Variants in CABCOCO1 observed in about 807,000 individuals in gnomAD.
CABCOCO1 encodes the protein ciliary associated calcium binding coiled-coil 1, also known as ciliary-associated calcium-binding coiled-coil protein 1.
Under a neutral mutation model 35.7 loss-of-function variants are expected in CABCOCO1, and 28 were observed. That is an observed-to-expected ratio of 0.78 (90% CI 0.58 to 1.07). The LOEUF is 1.07. Among genes scored for constraint, CABCOCO1 ranks in the 50% least tolerant of loss-of-function variants. The pLI is 0.00. For synonymous variants in CABCOCO1, 95 were observed against 100.1 expected (o/e 0.95, Z 0.30); for missense variants, 326 against 309.2 (o/e 1.05, Z -0.41).
chr10:61,746,520 AC>A (rs367611043), intron 5 of CABCOCO1, among the ~76,000 whole-genome samples: 41 of 152,280 alleles, frequency 2.7e-4, no homozygotes, highest in Admixed American at 1.5e-3. Flanking sequence ...TACAGTGTCA[AC>A]CCAGTGAATT....
intron 5 of CABCOCO1, among the ~76,000 whole-genome samples, chr10:61,738,458 T>C (rs1841474731): frequency 6.6e-6 from 1 of 152,222 alleles, no homozygotes; most frequent in Non-Finnish European, 1.5e-5. Flanking sequence ...TAATACCATC[T>C]AAATATACCA....
chr10:61,716,597 T>C (rs1402079117), intron 5 of CABCOCO1, among the ~76,000 whole-genome samples: 1 of 152,138 alleles, frequency 6.6e-6, no homozygotes, highest in East Asian at 1.9e-4. Context: ...TCTTCCATTT[T>C]CCCCTGTGAA....
At chr10:61,690,936 C>CA in intron 5 of CABCOCO1, among the ~76,000 whole-genome samples, 1 of 151,818 alleles carries the variant, frequency 6.6e-6, no homozygotes, top group South Asian at 2.1e-4. Flanking sequence ...TAGTAATTTG[C>CA]AAAAAAGAAT....
At chr10:61,717,068 T>C (rs17196286) in intron 5 of CABCOCO1, among the ~76,000 whole-genome samples, 61,000 of 151,990 alleles carry the variant, frequency 0.4, 14,315 homozygotes, top group Middle Eastern at 0.54. Flanking sequence ...GGCACAATTC[T>C]AAAAACTTCA....
At chr10:61,693,092 G>C (rs917006432) in intron 5 of CABCOCO1, among the ~76,000 whole-genome samples, 1 of 152,078 alleles carries the variant, frequency 6.6e-6, no homozygotes, top group African/African-American at 2.4e-5. Context: ...ATAAAGTGGA[G>C]AAAGTAGACA....
rs184833850 is a variant in CABCOCO1, at chr10:61,760,554, A to G, written c.676-309A>G. On this transcript the variant is annotated intron_variant, in intron 6 of 7. Transcript: ENST00000648843. ...CCAATAGAAATTTGAGGTTCCAATG[A>G]GAACACATGGACACAGGGAGGAGAA... Among the ~76,000 whole-genome samples the G allele has an allele frequency of 4.6e-5, 7 of 152,158 alleles. No homozygotes were observed. In the East Asian group the frequency reaches 7.7e-4, roughly 17 times the overall value.
At chr10:61,681,626 A>T (rs1453588673) in intron 3 of CABCOCO1, among the ~76,000 whole-genome samples, 5 of 152,154 alleles carry the variant, frequency 3.3e-5, no homozygotes, top group African/African-American at 1.2e-4. Context: ...TGTAAATTTA[A>T]AACTACACTA....
intron 5 of CABCOCO1, among the ~76,000 whole-genome samples, chr10:61,747,912 G>A (rs1335282555): frequency 5.3e-5 from 8 of 152,030 alleles, no homozygotes; most frequent in Non-Finnish European, 1.2e-4. Flanking sequence ...AAACCAGAAC[G>A]ACCCTTCAAA....
intron 5 of CABCOCO1, among the ~76,000 whole-genome samples, chr10:61,725,158 G>A (rs1665194296): frequency 6.6e-6 from 1 of 152,152 alleles, no homozygotes; most frequent in African/African-American, 2.4e-5. Context: ...TACACTGTTG[G>A]TGGGACTGTA....
intron 1 of CABCOCO1, among the ~76,000 whole-genome samples, chr10:61,670,502 C>T (rs1839322563): frequency 6.6e-6 from 1 of 152,038 alleles, no homozygotes; most frequent in Admixed American, 6.6e-5. Flanking sequence ...AGCACAATAA[C>T]CTAATATTAA....
At chr10:61,701,679 G>T in intron 5 of CABCOCO1, 1 of 985,166 alleles carries the variant, frequency 1.0e-6, no homozygotes, top group Middle Eastern at 5.2e-4. Context: ...GTTCTTTTCA[G>T]TCTTTTCTAG....
rs376388351 is a variant in CABCOCO1 at position 61,674,522 on chromosome 10, C to T, written c.164+1787C>T. Reference sequence around the variant, plus strand: ...ATGGTAATCCTGAAATATTTGCAATCGGTCACTCACTTTCAATTTAAAATA... The same window carrying T: ...ATGGTAATCCTGAAATATTTGCAATTGGTCACTCACTTTCAATTTAAAATA... On this transcript the variant is annotated intron_variant, in intron 2 of 7. Coordinates refer to ENST00000648843, the MANE Select transcript of CABCOCO1 (RefSeq NM_001366906.2). Among the ~76,000 whole-genome samples the T allele has an allele frequency of 1.2e-4, 18 of 152,202 alleles. No homozygotes were observed. In the East Asian group the frequency reaches 2.1e-3, roughly 18 times the overall value.
chr10:61,689,941 G>C (rs1840084220), intron 4 of CABCOCO1, among the ~76,000 whole-genome samples: 1 of 152,056 alleles, frequency 6.6e-6, no homozygotes, highest in South Asian at 2.1e-4. Context: ...CTAGTCTTTA[G>C]GGTAAGAACT....
intron 5 of CABCOCO1, among the ~76,000 whole-genome samples, chr10:61,726,827 G>A (rs1045094286): frequency 2.6e-5 from 4 of 151,422 alleles, no homozygotes; most frequent in Non-Finnish European, 2.9e-5. Flanking sequence ...GGAGGCGAGC[G>A]GGGGTGGATC....
chr10:61,714,144 C>T (rs1022685624), intron 5 of CABCOCO1, among the ~76,000 whole-genome samples: 30 of 152,184 alleles, frequency 2.0e-4, no homozygotes, highest in South Asian at 2.1e-4. Context: ...TTGTCCTGGA[C>T]TTTTTTTGGT....
chr10:61,708,857 T>C (rs1227931588), intron 5 of CABCOCO1, among the ~76,000 whole-genome samples: 1 of 152,162 alleles, frequency 6.6e-6, no homozygotes, highest in East Asian at 1.9e-4. Flanking sequence ...AAATTTTATT[T>C]TCCTTTCTTT....
chr10:61,707,496 C>T (rs530603001), intron 5 of CABCOCO1, among the ~76,000 whole-genome samples: 1 of 152,274 alleles, frequency 6.6e-6, no homozygotes, highest in Admixed American at 6.5e-5. Flanking sequence ...GGATACACTC[C>T]TCTTATCTGG....
intron 1 of CABCOCO1, among the ~76,000 whole-genome samples, chr10:61,670,828 G>T (rs915704397): frequency 1.3e-5 from 2 of 152,110 alleles, no homozygotes; most frequent in Non-Finnish European, 2.9e-5. Flanking sequence ...CTGGCTTTGA[G>T]CAGTCTCACC....
In CABCOCO1 at chr10:61,760,982, T is replaced by G. The variant is rs1241098259; in HGVS notation, c.795T>G (p.Asp265Glu). The change falls in exon 7 of 8, where the codon GAT (aspartate) becomes GAG (glutamate). Residue 265 changes from aspartate to glutamate, a missense_variant. Coordinates refer to ENST00000648843, the MANE Select transcript of CABCOCO1 (RefSeq NM_001366906.2). ...DVKSVLDQVT[D>E]DILIGIQTEI... ...AATCAGTGCTGGATCAAGTCACAGA[T>G]GACATTTTAATCGGCATTCAGGTAC... 8.7e-6 allele frequency: 14 copies of G among 1,612,264 alleles called. No individual in the cohort carries two copies. The highest frequency in any genetic ancestry group is 1.2e-5 in the Non-Finnish European group (14 of 1,179,024).
Sources: allele counts gnomAD v4.1 joint callset (sites outside exome capture counted in the v4.1 genomes callset), GRCh38; gene constraint gnomAD v4.1.1; transcripts MANE v1.5; gene names NCBI Gene and HGNC (gene_info 2026-07-23, HGNC 2026-07-21).